BBS9: variants seen among roughly 807,000 people sequenced by gnomAD.
The protein encoded by BBS9 is protein PTHB1.
BBS9 carries 89 observed loss-of-function variants against 117.7 expected under a neutral mutation model. The ratio of observed to expected loss-of-function variants is 0.76; its 90% CI spans 0.64 to 0.90. The LOEUF is 0.90. Ranked by LOEUF, BBS9 falls within the 40% of genes least tolerant of loss-of-function variation. BBS9 has a pLI of 0.00. For synonymous variants in BBS9, 379 were observed against 370.9 expected, an observed-to-expected ratio of 1.02 and a Z score of -0.25; for missense variants, 982 against 1,042.2, an observed-to-expected ratio of 0.94 and a Z score of 0.80.
intron 20 of BBS9, among the ~76,000 whole-genome samples, chr7:33,527,610 G>A (rs1474777958): frequency 1.3e-5 from 2 of 152,156 alleles, no homozygotes; most frequent in Non-Finnish European, 2.9e-5. Context: ...TTCGGCTCGC[G>A]CACGGTGCGC....
chr7:33,635,636 C>G (rs1866106673), exon 22 of BBS9, among the ~76,000 whole-genome samples: 1 of 152,224 alleles, frequency 6.6e-6, no homozygotes, highest in South Asian at 2.1e-4. Flanking sequence ...CAGGGTCTTC[C>G]TCCTTGAGGT....
intron 10 of BBS9, among the ~76,000 whole-genome samples, chr7:33,338,374 T>G (rs937334634): frequency 1.3e-5 from 2 of 152,176 alleles, no homozygotes; most frequent in African/African-American, 4.8e-5. Flanking sequence ...TATTACAGTT[T>G]TAGCTTCTCT....
At chr7:33,137,699 T>C (rs1318220280) in intron 1 of BBS9, among the ~76,000 whole-genome samples, 1 of 152,048 alleles carries the variant, frequency 6.6e-6, no homozygotes, top group Non-Finnish European at 1.5e-5. Flanking sequence ...GGGAAACAAA[T>C]GATGACTATT....
intron 19 of BBS9, among the ~76,000 whole-genome samples, chr7:33,393,864 G>GC (rs1469183867): frequency 2.0e-5 from 3 of 152,124 alleles, no homozygotes; most frequent in Non-Finnish European, 4.4e-5. Flanking sequence ...GCTTCAAGGT[G>GC]CATCATTAAT....
intron 19 of BBS9, among the ~76,000 whole-genome samples, chr7:33,479,839 T>A (rs960993895): frequency 2.6e-5 from 4 of 152,192 alleles, no homozygotes; most frequent in African/African-American, 9.6e-5. Flanking sequence ...AGTGTTTTTT[T>A]ATATATTTGT....
chr7:33,593,397 AG>A (rs1231627135), intron 21 of BBS9, among the ~76,000 whole-genome samples: 1 of 151,998 alleles, frequency 6.6e-6, no homozygotes, highest in African/African-American at 2.4e-5. Flanking sequence ...TAGTGAGTAG[AG>A]GTTTTTTTTG....
At chr7:33,507,762 G>A (rs550721997) in intron 20 of BBS9, among the ~76,000 whole-genome samples, 49 of 152,290 alleles carry the variant, frequency 3.2e-4, no homozygotes, top group South Asian at 2.7e-3. Context: ...ATGAGGAAGC[G>A]GGTCAGGGCC....
intron 19 of BBS9, among the ~76,000 whole-genome samples, chr7:33,448,724 T>C (rs1310654926): frequency 1.3e-5 from 2 of 152,240 alleles, no homozygotes; most frequent in East Asian, 1.9e-4. Context: ...ATTCATAAAG[T>C]ATCAGAACTG....
intron 5 of BBS9, among the ~76,000 whole-genome samples, chr7:33,255,717 TTGCCAGATAGCTAGA>T (rs2128309342): frequency 6.6e-6 from 1 of 152,358 alleles, no homozygotes; most frequent in African/African-American, 2.4e-5. Flanking sequence ...ACAGGTAGGT[TTGCCAGATAGCTAGA>T]TGAGATTCTT....
rs561383249 is a variant in BBS9, at chr7:33,141,299, G to C, written c.-11-4943G>C. On this transcript the variant is annotated intron_variant, in intron 1 of 22. Transcript: ENST00000242067. ...TAGCTGGGCGTGTTGGCAGGTGTCT[G>C]TAATCCCAGCTACTTGAGAGGCTGA... is the stretch of plus-strand genomic sequence containing the variant. Among the ~76,000 whole-genome samples, 8 of 152,278 alleles carry C rather than the reference G, an allele frequency of 5.3e-5. No individual in the cohort carries two copies. The South Asian group carries it at 8.3e-4, about 16-fold the overall frequency.
At chr7:33,229,266 A>C (rs1177653854) in intron 5 of BBS9, among the ~76,000 whole-genome samples, 1 of 152,048 alleles carries the variant, frequency 6.6e-6, no homozygotes, top group African/African-American at 2.4e-5. Context: ...TATAGTCTTC[A>C]TGTTTTACAT....
chr7:33,185,405 C>T (rs1439351521), intron 5 of BBS9, among the ~76,000 whole-genome samples: 1 of 151,174 alleles, frequency 6.6e-6, no homozygotes, highest in Non-Finnish European at 1.5e-5. Context: ...CTGATTATTT[C>T]CTTAGGATAG....
chr7:33,623,152 C>G (rs1865487819), intron 21 of BBS9, among the ~76,000 whole-genome samples: 1 of 152,032 alleles, frequency 6.6e-6, no homozygotes, highest in East Asian at 1.9e-4. Flanking sequence ...GTGCATATAA[C>G]TGGCAAAGAA....
intron 21 of BBS9, among the ~76,000 whole-genome samples, chr7:33,539,304 G>A (rs1301708603): frequency 6.6e-6 from 1 of 152,180 alleles, no homozygotes; most frequent in Non-Finnish European, 1.5e-5. Flanking sequence ...GCACCTCCCA[G>A]ACAATAGTGG....
rs147957941 is a variant in BBS9, at chr7:33,271,799, C to T, written c.703-1213C>T. 5.2e-3 allele frequency among the ~76,000 whole-genome samples: 785 copies of T among 152,194 alleles called. 11 individuals are homozygous for T. Among genetic ancestry groups the T allele is most frequent in the African/African-American group, 0.018 (745 of 41,532 alleles). Reference sequence around the variant, plus strand: ...CCCACTGACCCTATGAGACAGATCACTGAGGCAGAAAATTAACAAAGATAT... The same window carrying T: ...CCCACTGACCCTATGAGACAGATCATTGAGGCAGAAAATTAACAAAGATAT... On this transcript the variant is annotated intron_variant, in intron 7 of 22. Transcript: ENST00000242067.
intron 21 of BBS9, among the ~76,000 whole-genome samples, chr7:33,629,274 C>T (rs184235493): frequency 3.2e-4 from 48 of 152,318 alleles, no homozygotes; most frequent in Admixed American, 1.6e-3. Flanking sequence ...CAAAGAATGT[C>T]ATTTACATAA....
intron 21 of BBS9, among the ~76,000 whole-genome samples, chr7:33,576,852 T>C (rs1189083609): frequency 5.9e-5 from 9 of 152,178 alleles, no homozygotes; most frequent in African/African-American, 2.2e-4. Flanking sequence ...GCTAGCCATA[T>C]GTAGAAAGCT....
chr7:33,305,603 T>A (rs565867566), intron 9 of BBS9, among the ~76,000 whole-genome samples: 1 of 152,154 alleles, frequency 6.6e-6, no homozygotes, highest in Non-Finnish European at 1.5e-5. Context: ...TTGATATGTT[T>A]AGGTTTTGGA....
At chr7:33,596,363 C>CTATA in intron 21 of BBS9, among the ~76,000 whole-genome samples, 1 of 147,344 alleles carries the variant, frequency 6.8e-6, no homozygotes, top group South Asian at 2.2e-4. Flanking sequence ...ATATAATTAT[C>CTATA]TATCTATCTA....
Sources: allele counts gnomAD v4.1 joint callset (sites outside exome capture counted in the v4.1 genomes callset), GRCh38; gene constraint gnomAD v4.1.1; transcripts MANE v1.5; gene names NCBI Gene and HGNC (gene_info 2026-07-23, HGNC 2026-07-21).